NTNG2: variants seen among roughly 807,000 people sequenced by gnomAD.
NTNG2 encodes the protein netrin-G2.
A neutral mutation model predicts 47.6 loss-of-function variants in NTNG2; 15 were observed. The ratio of observed to expected loss-of-function variants is 0.32; its 90% CI spans 0.21 to 0.49. NTNG2 has a LOEUF of 0.49. Among genes scored for constraint, NTNG2 ranks in the 20% least tolerant of loss-of-function variants. NTNG2 has a pLI of 0.99. For missense variants in NTNG2, 578 were observed against 764.6 expected (o/e 0.76, Z 2.88); for synonymous variants, 307 against 324.6 (o/e 0.95, Z 0.58).
intron 2 of NTNG2, among the ~76,000 whole-genome samples, chr9:132,192,169 G>A (rs912097723): frequency 6.6e-6 from 1 of 152,210 alleles, no homozygotes; most frequent in Non-Finnish European, 1.5e-5. Context: ...ACTCAGAGGA[G>A]ACACTCCCAG....
chr9:132,200,030 C>T (rs1331359162), intron 3 of NTNG2, among the ~76,000 whole-genome samples: 1 of 152,150 alleles, frequency 6.6e-6, no homozygotes, highest in Non-Finnish European at 1.5e-5. Flanking sequence ...GCCATCTACC[C>T]TGGGCCATCT....
intron 3 of NTNG2, among the ~76,000 whole-genome samples, chr9:132,202,642 G>A (rs1334977370): frequency 2.0e-5 from 3 of 152,360 alleles, no homozygotes; most frequent in East Asian, 3.9e-4. Flanking sequence ...GGAGGAATGA[G>A]ATCATCCCTT....
intron 6 of NTNG2, 59 bp downstream of exon 6, chr9:132,239,330 C>T: frequency 3.8e-6 from 6 of 1,590,384 alleles, no homozygotes; most frequent in Non-Finnish European, 5.2e-6. Flanking sequence ...GGTGCACTGC[C>T]CTGCGAGGTG....
At chr9:132,216,450 G>A (rs1482517716) in intron 3 of NTNG2, among the ~76,000 whole-genome samples, 1 of 145,354 alleles carries the variant, frequency 6.9e-6, no homozygotes, top group East Asian at 2.1e-4. Context: ...GTGTGTGTGT[G>A]TGTGTGTGTG....
chr9:132,214,066 G>C (rs1839799499), intron 3 of NTNG2, among the ~76,000 whole-genome samples: 1 of 152,180 alleles, frequency 6.6e-6, no homozygotes, highest in Admixed American at 6.5e-5. Context: ...AGCCAGCCCT[G>C]GGGCCTCCTC....
At chr9:132,234,864 G>C (rs1015178825) in intron 5 of NTNG2, among the ~76,000 whole-genome samples, 1 of 152,196 alleles carries the variant, frequency 6.6e-6, no homozygotes, top group Admixed American at 6.5e-5. Flanking sequence ...AAAGTCTTCC[G>C]CACTTGTTAG....
At chr9:132,200,431 T>C (rs2130748871) in intron 3 of NTNG2, among the ~76,000 whole-genome samples, 1 of 152,380 alleles carries the variant, frequency 6.6e-6, no homozygotes, top group Non-Finnish European at 1.5e-5. Context: ...ATCCTGTTTT[T>C]GTAAAATATA....
intron 2 of NTNG2, among the ~76,000 whole-genome samples, chr9:132,186,642 A>G (rs1322451173): frequency 6.6e-6 from 1 of 152,220 alleles, no homozygotes; most frequent in Non-Finnish European, 1.5e-5. Context: ...CAATGCCCTC[A>G]GGTCCTCCGA....
chr9:132,198,806 A>G (rs1034199183), intron 3 of NTNG2, among the ~76,000 whole-genome samples, 197 bp downstream of exon 3: 2 of 151,944 alleles, frequency 1.3e-5, no homozygotes, highest in African/African-American at 4.8e-5. Context: ...GGTATGTGAT[A>G]CATCGTTACC....
chr9:132,165,487 A>G (rs1835447404), intron 1 of NTNG2, among the ~76,000 whole-genome samples: 1 of 152,068 alleles, frequency 6.6e-6, no homozygotes, highest in Non-Finnish European at 1.5e-5. Context: ...CAATATCCCT[A>G]GTTTCTTACA....
At chr9:132,229,241 G>C (rs577828026) in intron 4 of NTNG2, among the ~76,000 whole-genome samples, 2 of 152,214 alleles carry the variant, frequency 1.3e-5, no homozygotes, top group East Asian at 3.9e-4. Context: ...GCAGGAAACA[G>C]CCCAAAGAGA....
intron 2 of NTNG2, among the ~76,000 whole-genome samples, chr9:132,174,089 G>A (rs1589373684): frequency 6.9e-6 from 1 of 145,684 alleles, no homozygotes; most frequent in East Asian, 2.1e-4. Flanking sequence ...CGGACAGATA[G>A]GCAGGCCGCA....
intron 3 of NTNG2, among the ~76,000 whole-genome samples, chr9:132,199,271 C>A (rs1221836124): frequency 1.3e-5 from 2 of 152,126 alleles, no homozygotes; most frequent in Non-Finnish European, 2.9e-5. Context: ...CTCTCATGTT[C>A]AGGGGTTTCC....
At chr9:132,174,577 C>T (rs943577401) in intron 2 of NTNG2, among the ~76,000 whole-genome samples, 6 of 152,100 alleles carry the variant, frequency 3.9e-5, no homozygotes, top group Non-Finnish European at 7.4e-5. Flanking sequence ...ACAAATAAGA[C>T]GAGACCAGGC....
At chr9:132,191,354 C>T (rs1048451402) in intron 2 of NTNG2, among the ~76,000 whole-genome samples, 19 of 152,054 alleles carry the variant, frequency 1.2e-4, no homozygotes, top group African/African-American at 3.9e-4. Flanking sequence ...TCAAAATAAT[C>T]GCTCCCATTT....
Position 132,166,382 on chromosome 9 carries a change from G to A in NTNG2, c.-450G>A, listed in dbSNP as rs766301826. On this transcript the variant is annotated 5_prime_UTR_variant, in exon 2 of 8. Coordinates refer to ENST00000393229, the MANE Select transcript of NTNG2 (RefSeq NM_032536.4). Reference sequence around the variant, plus strand: ...GTTGTTTTGCCGTTGTGTTGAGCACGTCACCCATTAAGAGCCCTTTAAAGA... The same window carrying A: ...GTTGTTTTGCCGTTGTGTTGAGCACATCACCCATTAAGAGCCCTTTAAAGA... 1.6e-5 allele frequency: 3 copies of A among 187,668 alleles called. No homozygotes were observed. The highest frequency in any genetic ancestry group is 2.3e-5 in the African/African-American group (1 of 43,542). The allele number at this position is 187,668 out of a possible 1,614,324, so 11.6% of individuals were successfully genotyped here. A position where few individuals can be genotyped will look rare whatever the true frequency, so the allele number is the denominator to read the frequency against.
At chr9:132,202,819 G>A (rs1461964634) in intron 3 of NTNG2, among the ~76,000 whole-genome samples, 1 of 151,900 alleles carries the variant, frequency 6.6e-6, no homozygotes, top group African/African-American at 2.4e-5. Context: ...GTGAGGTCCA[G>A]AAGGCTGTGT....
chr9:132,207,550 C>A (rs1839262713), intron 3 of NTNG2, among the ~76,000 whole-genome samples: 1 of 152,204 alleles, frequency 6.6e-6, no homozygotes, highest in Non-Finnish European at 1.5e-5. Flanking sequence ...TGCAGCATGA[C>A]CTCAGCTTAA....
chr9:132,173,892 GCGGA>G (rs1836149257), intron 2 of NTNG2, among the ~76,000 whole-genome samples: 2 of 134,438 alleles, frequency 1.5e-5, no homozygotes, highest in African/African-American at 5.8e-5. Flanking sequence ...GCACCATGCT[GCGGA>G]TGAGATGGAC....
Sources: gnomAD v4.1 joint callset for allele counts (sites outside exome capture counted in the v4.1 genomes callset) on GRCh38, gnomAD v4.1.1 for gene constraint, MANE v1.5 for transcripts, NCBI Gene and HGNC (gene_info 2026-07-23, HGNC 2026-07-21) for gene names.